Variants in URI1 observed in about 807,000 individuals in gnomAD.
URI1 encodes unconventional prefoldin RPB5 interactor 1.
In URI1, 39 loss-of-function variants were observed where a neutral mutation model predicts 60.2. That is an observed-to-expected ratio of 0.65 (90% CI 0.50 to 0.85). The LOEUF (loss-of-function observed/expected upper bound fraction) is 0.85. URI1 is among the 40% of genes least tolerant of loss of function. The pLI is 0.00. For synonymous variants in URI1, 251 were observed against 236.8 expected, an observed-to-expected ratio of 1.06 and a Z score of -0.55; for missense variants, 691 against 665.9, an observed-to-expected ratio of 1.04 and a Z score of -0.42.
chr19:29,961,945 A>C (rs1005117033), intron 1 of URI1, among the ~76,000 whole-genome samples: 1 of 152,144 alleles, frequency 6.6e-6, no homozygotes. Flanking sequence ...TCGGCCTCCC[A>C]AAGTGCTGGG....
chr19:29,960,432 A>G (rs2055307865), intron 1 of URI1, among the ~76,000 whole-genome samples: 1 of 152,028 alleles, frequency 6.6e-6, no homozygotes, highest in African/African-American at 2.4e-5. Flanking sequence ...CCTTTGCTTT[A>G]TATATTTTAC....
chr19:29,962,699 G>A (rs961109480), intron 1 of URI1, among the ~76,000 whole-genome samples: 22 of 148,528 alleles, frequency 1.5e-4, no homozygotes, highest in African/African-American at 4.7e-4. Context: ...TTTTTTAACC[G>A]ATCACACTTA....
rs1326270655 is a variant in URI1 at position 29,942,589 on chromosome 19, C to A, written c.42C>A (p.Pro14=). ...PTVETPPDPS[P]PSAPAPALVP... is the part of the protein sequence containing the mutation. ...TGGAGACGCCCCCCGACCCCTCGCC[C>A]CCTTCGGCCCCGGCCCCTGCCCTGG... The change falls in exon 1 of 11, where the codon CCC becomes CCA. Residue 14 remains proline, a synonymous_variant. Coordinates refer to ENST00000392271, the MANE Select transcript of URI1 (RefSeq NM_003796.3). 2.1e-6 allele frequency: 3 copies of A among 1,431,284 alleles called. No homozygotes were observed. Among genetic ancestry groups the A allele is most frequent in the South Asian group, 2.8e-5 (2 of 71,156 alleles). The allele number at this position is 1,431,284 out of a possible 1,614,324, so 88.7% of individuals were successfully genotyped here.
intron 1 of URI1, chr19:29,970,959 A>G (rs896593847): frequency 1.9e-6 from 1 of 519,586 alleles, no homozygotes; most frequent in African/African-American, 1.9e-5. Context: ...GTACCAAAGT[A>G]TGAATCAGAA....
chr19:29,992,410 T>C (rs369808342), intron 4 of URI1, among the ~76,000 whole-genome samples: 1 of 152,232 alleles, frequency 6.6e-6, no homozygotes, highest in East Asian at 1.9e-4. Flanking sequence ...CTTTCCTTTT[T>C]AATTGATTCT....
rs2056034083 is a variant in URI1, at chr19:30,012,431, G to C, written c.1325G>C (p.Ser442Thr). ...AGGCGGGGAGTTTTGAGGAGTATCA[G>C]CTGCGAAGAAGCCACTTGCAGTGAC... Reference protein sequence around the residue: ...DDRRGVLRSISCEEATCSDTS... With the variant: ...DDRRGVLRSITCEEATCSDTS... Residue 442 changes from serine (S) to threonine (T), a missense_variant, in exon 10 of 11, where the codon AGC becomes ACC. Ser to Thr is a moderately conservative substitution (Grantham distance 58). Transcript: ENST00000392271. 1 of 1,614,184 alleles carries C rather than the reference G, an allele frequency of 6.2e-7. No homozygotes were observed.
chr19:29,941,622 T>TAAA (rs1436201029), upstream of URI1, among the ~76,000 whole-genome samples: 1 of 139,094 alleles, frequency 7.2e-6, no homozygotes, highest in Non-Finnish European at 1.5e-5. Flanking sequence ...CTCAGTCTCT[T>TAAA]AAAAAAAAAA....
Position 30,015,808 on chromosome 19 carries a change from C to G in URI1, c.*739C>G. ...AACAGATCTGGAATTCTTTCAGTTCCTCAGATACTTCTCCCTTAGTTTTTG... is the reference window on the plus strand; with the variant it reads ...AACAGATCTGGAATTCTTTCAGTTCGTCAGATACTTCTCCCTTAGTTTTTG... On this transcript the variant is annotated 3_prime_UTR_variant, in exon 11 of 11. Transcript: ENST00000392271. The G allele has an allele frequency of 2.4e-6, 1 of 419,856 alleles. No homozygotes were observed. The highest frequency in any genetic ancestry group is 3.7e-5 in the East Asian group (1 of 27,386). The allele number at this position is 419,856 out of a possible 1,614,324, so 26.0% of individuals were successfully genotyped here.
intron 4 of URI1, among the ~76,000 whole-genome samples, chr19:29,992,948 A>G (rs1033435500): frequency 6.6e-6 from 1 of 152,220 alleles, no homozygotes; most frequent in Non-Finnish European, 1.5e-5. Context: ...TCATTAGTCC[A>G]GTGATTAATG....
At chr19:29,941,335 G>C (rs1347868152), upstream of URI1, among the ~76,000 whole-genome samples, 1 of 152,168 alleles carries the variant, frequency 6.6e-6, no homozygotes, top group African/African-American at 2.4e-5. Context: ...GAACGGCCAG[G>C]TGTGGTAGCT....
At chr19:30,011,517 G>A (rs995414297) in intron 9 of URI1, among the ~76,000 whole-genome samples, 9 of 151,302 alleles carry the variant, frequency 5.9e-5, no homozygotes, top group Admixed American at 2.0e-4. Flanking sequence ...TCTTCAGAAA[G>A]CATTTTTGTT....
At chr19:29,933,377 A>T (rs2054939056) in intron 1 of URI1, among the ~76,000 whole-genome samples, 1 of 152,142 alleles carries the variant, frequency 6.6e-6, no homozygotes, top group Non-Finnish European at 1.5e-5. Flanking sequence ...TGTACATTTC[A>T]TCTAAGGTTT....
intron 1 of URI1, among the ~76,000 whole-genome samples, chr19:29,955,809 T>G (rs964132276): frequency 2.6e-5 from 4 of 152,046 alleles, no homozygotes; most frequent in Non-Finnish European, 4.4e-5. Flanking sequence ...CAGGCAGGTC[T>G]CAAACTCCTG....
chr19:30,004,442 C>T (rs1407072693), intron 4 of URI1: 2 of 152,018 alleles, frequency 1.3e-5, no homozygotes, highest in South Asian at 2.1e-4. Flanking sequence ...GACCTGCATT[C>T]ATCATTGGTA....
rs75352958 is a variant in URI1 at position 30,014,817 on chromosome 19, G to A, written c.1426-70G>A. The A allele has an allele frequency of 6.7e-4, 963 of 1,439,738 alleles. 6 individuals are homozygous for A. In the African/African-American group the frequency reaches 0.013, roughly 19 times the overall value. 89.2% of individuals were successfully genotyped at this position (1,439,738 alleles called of 1,614,324 possible). A position where few individuals can be genotyped will look rare whatever the true frequency, so the allele number is the denominator to read the frequency against. ...CTTTTAATGAAAAGAATTGCCAAAT[G>A]AGTGAATGGGAAGATTTTGTGGGTG... On this transcript the variant is annotated intron_variant, in intron 10 of 10. Coordinates refer to ENST00000392271, the MANE Select transcript of URI1 (RefSeq NM_003796.3).
intron 1 of URI1, among the ~76,000 whole-genome samples, chr19:29,946,286 AG>A: frequency 6.6e-6 from 1 of 152,122 alleles, no homozygotes; most frequent in Non-Finnish European, 1.5e-5. Context: ...CTGTTCAGGG[AG>A]GTTTCCTTGT....
chr19:29,956,735 G>A (rs1200393249), intron 1 of URI1: 21 of 1,570,710 alleles, frequency 1.3e-5, no homozygotes, highest in Non-Finnish European at 1.8e-5. Context: ...GAAGCCCAGT[G>A]TAACACCCTT....
In URI1 at chr19:29,931,065, C is replaced by T. The variant is rs543492551; in HGVS notation, c.63+7311C>T. Reference sequence around the variant, plus strand: ...AGTTTTGAAATCAGGAAGTATGAGACCTCCAACTTTGTTCTTCTTTTTCGG... The same window carrying T: ...AGTTTTGAAATCAGGAAGTATGAGATCTCCAACTTTGTTCTTCTTTTTCGG... On this transcript the variant is annotated intron_variant, in intron 1 of 10. Coordinates refer to the URI1 transcript ENST00000360605. 1.6e-4 allele frequency among the ~76,000 whole-genome samples: 25 copies of T among 152,112 alleles called. No individual in the cohort carries two copies. The South Asian group carries it at 4.8e-3, about 29-fold the overall frequency.
chr19:29,938,784 C>T (rs984723612), upstream of URI1, among the ~76,000 whole-genome samples: 4 of 151,852 alleles, frequency 2.6e-5, no homozygotes, highest in African/African-American at 7.3e-5. Context: ...TCATGCCATT[C>T]TCCTGCCTCA....
Sources: gnomAD v4.1 joint callset for allele counts (sites outside exome capture counted in the v4.1 genomes callset) on GRCh38, gnomAD v4.1.1 for gene constraint, MANE v1.5 for transcripts, NCBI Gene and HGNC (gene_info 2026-07-23, HGNC 2026-07-21) for gene names.